NELL1: variants seen among roughly 807,000 people sequenced by gnomAD.
NELL1 encodes the protein protein kinase C-binding protein NELL1.
A neutral mutation model predicts 107.4 loss-of-function variants in NELL1; 76 were observed. The observed-to-expected ratio is 0.71, with a 90% confidence interval of 0.59 to 0.86. The LOEUF (loss-of-function observed/expected upper bound fraction) is 0.86, where lower values mean the gene tolerates loss of function less well. NELL1 is among the 40% of genes least tolerant of loss of function. NELL1 has a pLI of 0.00. For missense variants in NELL1, 1,024 were observed against 1,005.5 expected, an observed-to-expected ratio of 1.02 and a Z score of -0.25; for synonymous variants, 353 against 341.2, an observed-to-expected ratio of 1.03 and a Z score of -0.38.
chr11:20,734,224 G>A (rs1855710987), intron 2 of NELL1, among the ~76,000 whole-genome samples: 1 of 152,198 alleles, frequency 6.6e-6, no homozygotes, highest in African/African-American at 2.4e-5. Context: ...AGGAGTTAAT[G>A]TCAGAGAGGT....
At chr11:20,677,632 A>T (rs570978477) in intron 1 of NELL1, among the ~76,000 whole-genome samples, 1 of 152,304 alleles carries the variant, frequency 6.6e-6, no homozygotes, top group East Asian at 1.9e-4. Flanking sequence ...TATATAGGCC[A>T]TATTACCTTT....
At chr11:21,185,292 T>TG (rs1565100830) in intron 13 of NELL1, among the ~76,000 whole-genome samples, 20 of 94,142 alleles carry the variant, frequency 2.1e-4, no homozygotes, top group Non-Finnish European at 3.4e-4. Flanking sequence ...AATTCCAGTA[T>TG]CTTTTTTTTT....
At chr11:20,985,284 A>G (rs1049171954) in intron 12 of NELL1, among the ~76,000 whole-genome samples, 3 of 152,190 alleles carry the variant, frequency 2.0e-5, no homozygotes, top group Non-Finnish European at 4.4e-5. Flanking sequence ...GGCTAGCTAG[A>G]AAGATAAAAC....
chr11:21,087,182 T>C (rs1428563424), intron 12 of NELL1, among the ~76,000 whole-genome samples: 36 of 152,118 alleles, frequency 2.4e-4, no homozygotes, highest in Non-Finnish European at 1.2e-4. Context: ...TCTTTGACAT[T>C]GGAGGTAGCA....
intron 10 of NELL1, among the ~76,000 whole-genome samples, chr11:20,939,937 A>G (rs1474570532): frequency 1.3e-5 from 2 of 152,108 alleles, no homozygotes; most frequent in Non-Finnish European, 2.9e-5. Flanking sequence ...TCTGTATTTT[A>G]TGATTATTTC....
chr11:20,947,370 C>G lies in NELL1; in HGVS notation c.1106C>G (p.Pro369Arg). 1 of 1,613,800 alleles carries G rather than the reference C, an allele frequency of 6.2e-7. No homozygotes were observed. Among genetic ancestry groups the G allele is most frequent in the Non-Finnish European group, 8.5e-7 (1 of 1,179,868 alleles). ...TTAGTAAAAATTACAGAAATGTGTCCTCCTTTGAACTGCTCAGAAAAGGAT... is the reference window on the plus strand; with the variant it reads ...TTAGTAAAAATTACAGAAATGTGTCGTCCTTTGAACTGCTCAGAAAAGGAT... Reference protein sequence around the residue: ...GVLVKITEMCPPLNCSEKDHI... With the variant: ...GVLVKITEMCRPLNCSEKDHI... The change falls in exon 11 of 20, where the codon CCT (proline) becomes CGT (arginine). Residue 369 changes from proline to arginine, a missense_variant. Transcript: ENST00000357134.
intron 10 of NELL1, among the ~76,000 whole-genome samples, chr11:20,945,608 A>T (rs1338124360): frequency 1.3e-5 from 2 of 152,180 alleles, no homozygotes; most frequent in Non-Finnish European, 2.9e-5. Flanking sequence ...ATATTGAAGG[A>T]TAGACTTAGA....
At chr11:21,239,557 G>A (rs1858297751) in intron 14 of NELL1, among the ~76,000 whole-genome samples, 1 of 152,008 alleles carries the variant, frequency 6.6e-6, no homozygotes, top group African/African-American at 2.4e-5. Context: ...AAGCAGCATG[G>A]AATACATTTC....
chr11:20,862,003 C>T (rs1279632810), intron 4 of NELL1, among the ~76,000 whole-genome samples: 1 of 152,180 alleles, frequency 6.6e-6, no homozygotes, highest in African/African-American at 2.4e-5. Context: ...ATAATGTTTA[C>T]TTTAGAAGTT....
At chr11:21,447,430 A>G (rs1853460234) in intron 15 of NELL1, among the ~76,000 whole-genome samples, 2 of 152,236 alleles carry the variant, frequency 1.3e-5, no homozygotes, top group South Asian at 2.1e-4. Flanking sequence ...GGCCCATAGC[A>G]TGTACTACCT....
chr11:21,281,714 GT>G (rs1200220415), intron 14 of NELL1, among the ~76,000 whole-genome samples: 1 of 152,104 alleles, frequency 6.6e-6, no homozygotes, highest in African/African-American at 2.4e-5. Flanking sequence ...GACTCCATTT[GT>G]TTGGGAGAAA....
At chr11:21,398,804 A>C (rs554226897) in intron 15 of NELL1, among the ~76,000 whole-genome samples, 10 of 151,908 alleles carry the variant, frequency 6.6e-5, no homozygotes, top group African/African-American at 2.4e-4. Flanking sequence ...CTGATTTAAA[A>C]GGTTATTTCT....
At chr11:21,178,807 A>G (rs144536664) in intron 13 of NELL1, among the ~76,000 whole-genome samples, 2,568 of 151,892 alleles carry the variant, frequency 0.017, 113 homozygotes, top group African/African-American at 0.058. Flanking sequence ...TTAGTTAAAT[A>G]AAATTTTAAA....
chr11:20,688,932 T>C (rs1854378304), intron 2 of NELL1, among the ~76,000 whole-genome samples: 1 of 152,156 alleles, frequency 6.6e-6, no homozygotes, highest in South Asian at 2.1e-4. Context: ...GAACATCCAT[T>C]GTATTTTGAC....
intron 14 of NELL1, among the ~76,000 whole-genome samples, chr11:21,241,740 C>A (rs1310652050): frequency 6.6e-6 from 1 of 151,948 alleles, no homozygotes; most frequent in African/African-American, 2.4e-5. Flanking sequence ...ATTTCTACCC[C>A]AAACAGAATT....
intron 2 of NELL1, among the ~76,000 whole-genome samples, chr11:20,716,594 C>T (rs1855255573): frequency 6.6e-6 from 1 of 152,112 alleles, no homozygotes; most frequent in Non-Finnish European, 1.5e-5. Context: ...CATATTACCA[C>T]GTTTGTATGT....
intron 15 of NELL1, among the ~76,000 whole-genome samples, chr11:21,522,866 A>G (rs190252048): frequency 0.038 from 3,531 of 93,698 alleles, 64 homozygotes; most frequent in Middle Eastern, 0.077. Context: ...TTTGAGACGG[A>G]GTCTCGCTCT....
chr11:21,127,487 G>A (rs1451265609), intron 13 of NELL1, among the ~76,000 whole-genome samples: 3 of 151,924 alleles, frequency 2.0e-5, no homozygotes, highest in Admixed American at 2.0e-4. Flanking sequence ...ATTATGACAT[G>A]GGCCTGTAGT....
At chr11:20,734,818 T>C (rs1855723394) in intron 2 of NELL1, among the ~76,000 whole-genome samples, 1 of 152,144 alleles carries the variant, frequency 6.6e-6, no homozygotes, top group South Asian at 2.1e-4. Flanking sequence ...TAAGATTATT[T>C]AGGGCAGCAT....
Sources: gnomAD v4.1 joint callset for allele counts (sites outside exome capture counted in the v4.1 genomes callset) on GRCh38, gnomAD v4.1.1 for gene constraint, MANE v1.5 for transcripts, NCBI Gene and HGNC (gene_info 2026-07-23, HGNC 2026-07-21) for gene names.